VPS33B: variants seen among roughly 807,000 people sequenced by gnomAD.
The protein encoded by VPS33B is VPS33B late endosome and lysosome associated.
VPS33B carries 80 observed loss-of-function variants against 95.3 expected under a neutral mutation model. The observed-to-expected ratio is 0.84, with a 90% CI of 0.70 to 1.01. The LOEUF is 1.01. VPS33B is among the 50% of genes least tolerant of loss of function. The pLI is 0.00. For missense variants in VPS33B, 715 were observed against 773.4 expected, an observed-to-expected ratio of 0.92 and a Z score of 0.90; for synonymous variants, 280 against 280.4, an observed-to-expected ratio of 1.00 and a Z score of 0.01.
At chr15:91,021,199 A>C (rs2041091664) in intron 1 of VPS33B, among the ~76,000 whole-genome samples, 1 of 152,238 alleles carries the variant, frequency 6.6e-6, no homozygotes, top group South Asian at 2.1e-4. Flanking sequence ...AGTGTTGAAC[A>C]AAACAAACAT....
At chr15:91,021,452 T>G (rs762588932) in intron 1 of VPS33B, among the ~76,000 whole-genome samples, 1 of 152,254 alleles carries the variant, frequency 6.6e-6, no homozygotes, top group Non-Finnish European at 1.5e-5. Flanking sequence ...ACCAATTTTG[T>G]GTGGGCCTTT....
Position 91,004,914 on chromosome 15 carries a change from G to C in VPS33B, c.1188C>G (p.Ser396Arg). ...TGGACAAAAGGCACATGAGGCGCAG[G>C]CTTTCTATAGGCGACACCTGCATAG... ...HIDRQVSPIE[S>R]LRLMCLLSIT... Residue 396 changes from serine (S) to arginine (R), a missense_variant, in exon 16 of 23, where the codon AGC (serine) becomes AGG (arginine). Ser to Arg is a moderately radical substitution (Grantham distance 110). Transcript: ENST00000333371. 6.2e-7 allele frequency: 1 copy of C among 1,614,162 alleles called. No homozygotes were observed. The highest frequency in any genetic ancestry group is 8.5e-7 in the Non-Finnish European group (1 of 1,180,034).
In VPS33B at chr15:91,005,498, A is replaced by C. The variant is rs762254427; in HGVS notation, c.1031-44T>G. 3 of 1,612,740 alleles carry C rather than the reference A, an allele frequency of 1.9e-6. No individual in the cohort carries two copies. Among genetic ancestry groups the C allele is most frequent in the Non-Finnish European group, 1.7e-6 (2 of 1,178,912 alleles). ...GAGCTGACATACTCCTGGTTCTAGAAAGATGTCCCTTTATTGTCCGGAAGA... is the reference window on the plus strand; with the variant it reads ...GAGCTGACATACTCCTGGTTCTAGACAGATGTCCCTTTATTGTCCGGAAGA... On this transcript the variant is annotated intron_variant, in intron 13 of 22. Coordinates refer to ENST00000333371, the MANE Select transcript of VPS33B (RefSeq NM_018668.5). The surrounding 1 kb of genome is among the most constrained non-coding windows in gnomAD (Gnocchi z 6.4).
At position 91,005,505 on chromosome 15, in the gene VPS33B, C is replaced by G. The variant is rs368306655; in HGVS notation, c.1031-51G>C. 1.9e-5 allele frequency: 30 copies of G among 1,611,974 alleles called. No individual in the cohort carries two copies. The highest frequency in any genetic ancestry group is 1.6e-4 in the Middle Eastern group (1 of 6,076). On this transcript the variant is annotated intron_variant, in intron 13 of 22. Coordinates refer to ENST00000333371, the MANE Select transcript of VPS33B (RefSeq NM_018668.5). This position sits in a 1 kb window ranked among gnomAD's most constrained non-coding sequence, Gnocchi z 6.4. ...CATACTCCTGGTTCTAGAAAGATGT[C>G]CCTTTATTGTCCGGAAGAATAAAAA...
intron 1 of VPS33B, among the ~76,000 whole-genome samples, chr15:91,020,268 G>A (rs1189114442): frequency 2.0e-5 from 3 of 152,190 alleles, no homozygotes; most frequent in Non-Finnish European, 4.4e-5. Context: ...AAAGTTATGT[G>A]TAAAGAAGTA....
At chr15:91,017,045 G>C (rs771210739) in intron 2 of VPS33B, 21 bp from the exon 3 acceptor site, 1 of 1,612,850 alleles carries the variant, frequency 6.2e-7, no homozygotes, top group Non-Finnish European at 8.5e-7. Context: ...AATCCAATAA[G>C]ACAATGGACA....
Position 91,005,576 on chromosome 15 carries a change from A to C in VPS33B, c.1030+118T>G. 6.3e-7 allele frequency: 1 copy of C among 1,575,634 alleles called. No individual in the cohort carries two copies. Among genetic ancestry groups the C allele is most frequent in the Non-Finnish European group, 8.7e-7 (1 of 1,145,158 alleles). ...AAAGCACTTCTTCCCACTTTACACC[A>C]AGTAAGACCATATGCATCAGATGAA... is the stretch of plus-strand genomic sequence containing the variant. On this transcript the variant is annotated intron_variant, in intron 13 of 22. Coordinates refer to ENST00000333371, the MANE Select transcript of VPS33B (RefSeq NM_018668.5). The surrounding 1 kb of genome is among the most constrained non-coding windows in gnomAD (Gnocchi z 6.4).
rs535442461 is a variant in VPS33B, at chr15:91,017,112, T to C, written c.178-88A>G. 1.4e-5 allele frequency: 17 copies of C among 1,202,150 alleles called. No individual in the cohort carries two copies. In the Middle Eastern group the frequency reaches 1.7e-3, roughly 121 times the overall value. 74.5% of individuals were successfully genotyped at this position (1,202,150 alleles called of 1,614,324 possible). On this transcript the variant is annotated intron_variant, in intron 2 of 22. Coordinates refer to ENST00000333371, the MANE Select transcript of VPS33B (RefSeq NM_018668.5). ...CGAAGATAGGGGACTTCTTGAGGGC[T>C]TCCTAATTATGCTAATTATTGAGGG...
At chr15:91,001,517 G>A in intron 18 of VPS33B, 55 bp from the exon 19 acceptor site, 1 of 1,422,942 alleles carries the variant, frequency 7.0e-7, no homozygotes, top group Non-Finnish European at 9.9e-7. Context: ...TCATGACACT[G>A]CCACAGATAA....
Position 90,998,701 on chromosome 15 carries a change from C to A in VPS33B, c.*274G>T. On this transcript the variant is annotated 3_prime_UTR_variant, in exon 23 of 23. Transcript: ENST00000333371. This position sits in a 1 kb window ranked among gnomAD's most constrained non-coding sequence, Gnocchi z 4.8. ...CATCTGAGAGCAGAGGCTTTATTTA[C>A]AATGACATTCAAACAGGATTTAGCA... 3.8e-6 allele frequency: 2 copies of A among 520,486 alleles called. No homozygotes were observed. The highest frequency in any genetic ancestry group is 7.0e-6 in the Non-Finnish European group (2 of 286,450). 32.2% of individuals were successfully genotyped at this position (520,486 alleles called of 1,614,324 possible). A position where few individuals can be genotyped will look rare whatever the true frequency, so the allele number is the denominator to read the frequency against.
chr15:91,007,190 C>T lies in VPS33B; in HGVS notation c.604-144G>A. The T allele has an allele frequency of 1.1e-6, 1 of 873,528 alleles. No individual in the cohort carries two copies. Among genetic ancestry groups the T allele is most frequent in the East Asian group, 2.5e-5 (1 of 39,724 alleles). 54.1% of individuals were successfully genotyped at this position (873,528 alleles called of 1,614,324 possible). A position where few individuals can be genotyped will look rare whatever the true frequency, so the allele number is the denominator to read the frequency against. On this transcript the variant is annotated intron_variant, in intron 8 of 22. Coordinates refer to ENST00000333371, the MANE Select transcript of VPS33B (RefSeq NM_018668.5). This position sits in a 1 kb window ranked among gnomAD's most constrained non-coding sequence, Gnocchi z 5.3. Reference sequence around the variant, plus strand: ...ATTCACAATATGGCCCTATCTACTCCCGTCTGTGTCTATCTTTCCCCAACA... The same window carrying T: ...ATTCACAATATGGCCCTATCTACTCTCGTCTGTGTCTATCTTTCCCCAACA...
Position 91,000,669 on chromosome 15 carries a change from G to T in VPS33B, c.1480-78C>A. On this transcript the variant is annotated intron_variant, in intron 19 of 22. Coordinates refer to ENST00000333371, the MANE Select transcript of VPS33B (RefSeq NM_018668.5). The surrounding 1 kb of genome is among the most constrained non-coding windows in gnomAD (Gnocchi z 4.9). ...TTTAAAGGGTCAGATAAAGTGGCAT[G>T]GCCCAAGGAACAATTCTTATTTCAA... The T allele has an allele frequency of 7.9e-7, 1 of 1,260,206 alleles. No individual in the cohort carries two copies. Among genetic ancestry groups the T allele is most frequent in the Non-Finnish European group, 1.1e-6 (1 of 878,476 alleles). 78.1% of individuals were successfully genotyped at this position (1,260,206 alleles called of 1,614,324 possible). A position where few individuals can be genotyped will look rare whatever the true frequency, so the allele number is the denominator to read the frequency against.
chr15:91,010,341 C>T lies in VPS33B; in HGVS notation c.358-495G>A, dbSNP rs2040746062. On this transcript the variant is annotated intron_variant, in intron 5 of 22. Coordinates refer to ENST00000333371, the MANE Select transcript of VPS33B (RefSeq NM_018668.5). The surrounding 1 kb of genome is among the most constrained non-coding windows in gnomAD (Gnocchi z 5.7). ...TGTGGCTGGGTGCACTGGCTCACTC[C>T]TATAATCCCAGAACTTTGGAAGGCC... is the stretch of plus-strand genomic sequence containing the variant. 6.6e-6 allele frequency among the ~76,000 whole-genome samples: 1 copy of T among 152,174 alleles called. No homozygotes were observed. Among genetic ancestry groups the T allele is most frequent in the South Asian group, 2.1e-4 (1 of 4,830 alleles).
In VPS33B at chr15:91,000,630, C is replaced by G; in HGVS notation, c.1480-39G>C. 6.3e-7 allele frequency: 1 copy of G among 1,579,964 alleles called. No homozygotes were observed. The highest frequency in any genetic ancestry group is 8.7e-7 in the Non-Finnish European group (1 of 1,152,826). On this transcript the variant is annotated intron_variant, in intron 19 of 22. Transcript: ENST00000333371. The surrounding 1 kb of genome is among the most constrained non-coding windows in gnomAD (Gnocchi z 4.9). ...GGACTTCATTAGGCAAGTGACAGCT[C>G]AGCTCCCTAACCCTTTAAAGGGTCA...
At chr15:91,021,421 CTT>C (rs1011569223) in intron 1 of VPS33B, among the ~76,000 whole-genome samples, 1 of 152,188 alleles carries the variant, frequency 6.6e-6, no homozygotes, top group African/African-American at 2.4e-5. Flanking sequence ...AAATCCATCA[CTT>C]TCCTTCATTC....
Position 91,003,382 on chromosome 15 carries a change from C to T in VPS33B, c.1226-251G>A, listed in dbSNP as rs545387156. Reference sequence around the variant, plus strand: ...AGGGGACACTGGAACTAACGGTGATCGTAGTGGGATGTGGGGAGGATGCAG... The same window carrying T: ...AGGGGACACTGGAACTAACGGTGATTGTAGTGGGATGTGGGGAGGATGCAG... On this transcript the variant is annotated intron_variant, in intron 16 of 22. Coordinates refer to ENST00000333371, the MANE Select transcript of VPS33B (RefSeq NM_018668.5). Among the ~76,000 whole-genome samples the T allele has an allele frequency of 2.6e-5, 4 of 152,200 alleles. No homozygotes were observed. In the East Asian group the frequency reaches 5.8e-4, roughly 22 times the overall value.
chr15:91,000,596 A>G lies in VPS33B; in HGVS notation c.1480-5T>C. On this transcript the variant is annotated splice_polypyrimidine_tract_variant and splice_region_variant and intron_variant, in intron 19 of 22. Coordinates refer to ENST00000333371, the MANE Select transcript of VPS33B (RefSeq NM_018668.5). The surrounding 1 kb of genome is among the most constrained non-coding windows in gnomAD (Gnocchi z 4.9). ...CTCGCCGTCCACACGTGGGATCTGT[A>G]AGACAAAGGGACTTCATTAGGCAAG... 3 of 1,611,514 alleles carry G rather than the reference A, an allele frequency of 1.9e-6. No individual in the cohort carries two copies. Among genetic ancestry groups the G allele is most frequent in the Non-Finnish European group, 2.5e-6 (3 of 1,178,414 alleles).
chr15:91,004,572 C>G (rs2040543662), intron 16 of VPS33B, among the ~76,000 whole-genome samples: 2 of 152,086 alleles, frequency 1.3e-5, no homozygotes, highest in African/African-American at 4.8e-5. Context: ...TGGAATGTAT[C>G]TTTATCTTAT....
rs1478931992 is a variant in VPS33B, at chr15:91,005,820, TCA to T, written c.940-38_940-37del. On this transcript the variant is annotated intron_variant, in intron 12 of 22. Coordinates refer to ENST00000333371, the MANE Select transcript of VPS33B (RefSeq NM_018668.5). The surrounding 1 kb of genome is among the most constrained non-coding windows in gnomAD (Gnocchi z 6.4). ...ATTCCCAAAGGTGAACCCCCCAACC[TCA>T]GACACGAGAAACCACCACCCTCCCT... The T allele has an allele frequency of 6.2e-7, 1 of 1,613,400 alleles. No individual in the cohort carries two copies. Among genetic ancestry groups the T allele is most frequent in the East Asian group, 2.2e-5 (1 of 44,864 alleles).
Sources: gnomAD v4.1 joint callset for allele counts (sites outside exome capture counted in the v4.1 genomes callset) on GRCh38, gnomAD v4.1.1 for gene constraint, Gnocchi (gnomAD v3.1) non-coding constraint, MANE v1.5 for transcripts, NCBI Gene and HGNC (gene_info 2026-07-23, HGNC 2026-07-21) for gene names.